PCDHGB4: variants seen among roughly 807,000 people sequenced by gnomAD.
PCDHGB4 encodes the protein protocadherin gamma-B4.
PCDHGB4 carries 38 observed loss-of-function variants against 60.5 expected under a neutral mutation model. That is an observed-to-expected ratio of 0.63 (90% confidence interval 0.48 to 0.82). The LOEUF (loss-of-function observed/expected upper bound fraction) is 0.82, where lower values mean the gene tolerates loss of function less well. Ranked by LOEUF, PCDHGB4 falls within the 40% of genes least tolerant of loss-of-function variation. The pLI is 0.00. For missense variants in PCDHGB4, 1,109 were observed against 1,209.6 expected, an observed-to-expected ratio of 0.92 and a Z score of 1.23; for synonymous variants, 456 against 509.7, an observed-to-expected ratio of 0.89 and a Z score of 1.42.
intron 1 of PCDHGB4, among the ~76,000 whole-genome samples, chr5:141,455,580 T>C (rs572453788): frequency 6.6e-6 from 1 of 152,142 alleles, no homozygotes; most frequent in East Asian, 1.9e-4. Flanking sequence ...ACCCCAGCCT[T>C]TTAATATGCA....
chr5:141,422,661 C>T (rs1289162498), intron 1 of PCDHGB4: 7 of 1,608,938 alleles, frequency 4.4e-6, no homozygotes, highest in Admixed American at 1.7e-5. Flanking sequence ...TGACCGCCCT[C>T]GACCCGGACA....
intron 1 of PCDHGB4, chr5:141,400,729 A>G: frequency 1.5e-6 from 1 of 649,042 alleles, no homozygotes. Flanking sequence ...TTTACAAAGT[A>G]GTGAGAGTTT....
chr5:141,479,767 C>G (rs2099505975), intron 1 of PCDHGB4: 1 of 152,174 alleles, frequency 6.6e-6, no homozygotes, highest in African/African-American at 2.4e-5. Flanking sequence ...AAATTCATAT[C>G]CTTAGACAGG....
intron 1 of PCDHGB4, among the ~76,000 whole-genome samples, chr5:141,406,372 T>C (rs1010742441): frequency 1.3e-5 from 2 of 152,204 alleles, no homozygotes; most frequent in African/African-American, 4.8e-5. Flanking sequence ...AAGGGTAAAC[T>C]GATAAAAAGG....
chr5:141,450,006 C>CTTTT (rs1554136305), intron 1 of PCDHGB4, among the ~76,000 whole-genome samples: 4 of 132,984 alleles, frequency 3.0e-5, no homozygotes, highest in South Asian at 2.3e-4. Flanking sequence ...TGCCATGTCT[C>CTTTT]TTTTTTTTTT....
chr5:141,398,842 C>T (rs2093712910), intron 1 of PCDHGB4: 2 of 1,613,974 alleles, frequency 1.2e-6, no homozygotes, highest in Non-Finnish European at 1.7e-6. Flanking sequence ...CAATGATAAT[C>T]CCCCGGTATT....
intron 1 of PCDHGB4, chr5:141,413,858 G>T: frequency 6.2e-7 from 1 of 1,613,258 alleles, no homozygotes; most frequent in Non-Finnish European, 8.5e-7. Context: ...CTCCGATCTG[G>T]CACTGTCCTT....
intron 1 of PCDHGB4, chr5:141,404,287 C>T: frequency 6.2e-7 from 1 of 1,613,976 alleles, no homozygotes; most frequent in Non-Finnish European, 8.5e-7. Context: ...TGACTGACAT[C>T]AATGATAATC....
chr5:141,430,914 T>G (rs750607631), intron 1 of PCDHGB4: 1 of 1,607,676 alleles, frequency 6.2e-7, no homozygotes, highest in Non-Finnish European at 8.5e-7. Context: ...TCCAGGGACC[T>G]GGGGCTGGAG....
chr5:141,432,237 A>T lies in PCDHGB4; in HGVS notation c.2397+41956A>T. ...GCCCAGATCACTTATTCCCTGGCTG[A>T]GAACACCATCCAAGGGGCAAGCCTA... On this transcript the variant is annotated intron_variant, in intron 1 of 3. Transcript: ENST00000519479. The surrounding 1 kb of genome is among the most constrained non-coding windows in gnomAD (Gnocchi z 6.0). The T allele has an allele frequency of 2.5e-6, 4 of 1,614,224 alleles. No individual in the cohort carries two copies. Among genetic ancestry groups the T allele is most frequent in the Non-Finnish European group, 3.4e-6 (4 of 1,180,032 alleles).
chr5:141,421,469 G>T (rs767500900), intron 1 of PCDHGB4: 1 of 1,614,122 alleles, frequency 6.2e-7, no homozygotes, highest in South Asian at 1.1e-5. Flanking sequence ...GTGAATCCGC[G>T]AAGCGGCAGC....
chr5:141,457,335 A>G (rs2098917073), intron 1 of PCDHGB4, among the ~76,000 whole-genome samples: 1 of 152,172 alleles, frequency 6.6e-6, no homozygotes, highest in Admixed American at 6.5e-5. Flanking sequence ...CAGGTACCTT[A>G]CTTACTTTCA....
chr5:141,471,568 A>G (rs947450908), intron 1 of PCDHGB4: 3 of 152,214 alleles, frequency 2.0e-5, no homozygotes, highest in Non-Finnish European at 2.9e-5. Context: ...CAGGGGTAGC[A>G]GTAGATAGGG....
At position 141,393,516 on chromosome 5, in the gene PCDHGB4, A is replaced by G. The variant is rs368866192; in HGVS notation, c.2397+3235A>G. 1.5e-5 allele frequency: 24 copies of G among 1,614,046 alleles called. No homozygotes were observed. Among genetic ancestry groups the G allele is most frequent in the African/African-American group, 2.7e-5 (2 of 75,084 alleles). ...GCGCATCCACGTGACAGTGTTGGAT[A>G]CAAATGACAATGCCCCGGTTTTTCC... is the stretch of plus-strand genomic sequence containing the variant. On this transcript the variant is annotated intron_variant, in intron 1 of 3. Transcript: ENST00000519479.
At chr5:141,419,210 GTTT>G in intron 1 of PCDHGB4, 1 of 1,613,926 alleles carries the variant, frequency 6.2e-7, no homozygotes, top group East Asian at 2.2e-5. Flanking sequence ...CAACGCGCCG[GTTT>G]TCGGACAGTC....
In PCDHGB4 at chr5:141,389,799, C is replaced by T. The variant is rs763321545; in HGVS notation, c.1915C>T (p.Arg639Cys). The T allele has an allele frequency of 1.2e-6, 2 of 1,613,678 alleles. No individual in the cohort carries two copies. Among genetic ancestry groups the T allele is most frequent in the Non-Finnish European group, 1.7e-6 (2 of 1,179,834 alleles). The change falls in exon 1 of 4, where the codon CGC becomes TGC. Residue 639 changes from arginine to cysteine, a missense_variant. Physicochemically the swap from Arg to Cys is radical, Grantham distance 180. Coordinates refer to ENST00000519479, the MANE Select transcript of PCDHGB4 (RefSeq NM_003736.4). ...AGGCGACAGGGACGCCGTCCGCCAG[C>T]GCCTTCTGGTCGCCGTGCGTGACGG... ...ALGDRDAVRQ[R>C]LLVAVRDGGQ...
chr5:141,399,138 T>C (rs757310717), intron 1 of PCDHGB4: 3 of 1,613,774 alleles, frequency 1.9e-6, no homozygotes, highest in Non-Finnish European at 2.5e-6. Context: ...AAGATGAAAA[T>C]GACAATAGCC....
At chr5:141,404,161 ATTG>A in intron 1 of PCDHGB4, 1 of 1,613,152 alleles carries the variant, frequency 6.2e-7, no homozygotes, top group South Asian at 1.1e-5. Context: ...ATTATTACAG[ATTG>A]TTGACGGCCC....
rs765454115 is a variant in PCDHGB4, at chr5:141,410,470, T to C, written c.2397+20189T>C. On this transcript the variant is annotated intron_variant, in intron 1 of 3. Coordinates refer to ENST00000519479, the MANE Select transcript of PCDHGB4 (RefSeq NM_003736.4). Reference sequence around the variant, plus strand: ...TGCCTTATTCTTATAATCTGTGCATTGCACATACGGGTACAAAAGAGTTTA... The same window carrying C: ...TGCCTTATTCTTATAATCTGTGCATCGCACATACGGGTACAAAAGAGTTTA... 1.9e-6 allele frequency: 3 copies of C among 1,613,922 alleles called. No individual in the cohort carries two copies. The African/African-American group carries it at 4.0e-5, about 22-fold the overall frequency.
Sources: gnomAD v4.1 joint callset for allele counts (sites outside exome capture counted in the v4.1 genomes callset) on GRCh38, gnomAD v4.1.1 for gene constraint, Gnocchi (gnomAD v3.1) non-coding constraint, MANE v1.5 for transcripts, NCBI Gene and HGNC (gene_info 2026-07-23, HGNC 2026-07-21) for gene names.